GMNC: variants seen among roughly 807,000 people sequenced by gnomAD.
GMNC encodes geminin coiled-coil domain containing, also known as geminin coiled-coil domain-containing protein 1.
In GMNC, 16 loss-of-function variants were observed where a neutral mutation model predicts 33.6. That is an observed-to-expected ratio of 0.48 (90% CI 0.32 to 0.72). The LOEUF is 0.72. Among genes scored for constraint, GMNC ranks in the 30% least tolerant of loss-of-function variants. GMNC has a pLI of 0.03. For missense variants in GMNC, 393 were observed against 388.9 expected, an observed-to-expected ratio of 1.01 and a Z score of -0.09; for synonymous variants, 156 against 147.3, an observed-to-expected ratio of 1.06 and a Z score of -0.43.
chr3:190,848,115 A>C (rs1737579936), downstream of GMNC, among the ~76,000 whole-genome samples: 1 of 152,252 alleles, frequency 6.6e-6, no homozygotes. Flanking sequence ...AATGTCAATC[A>C]ACATGAAAAG....
the GMNC span, among the ~76,000 whole-genome samples, chr3:190,844,047 C>G: frequency 1.3e-5 from 2 of 152,052 alleles, no homozygotes; most frequent in Non-Finnish European, 2.9e-5. Flanking sequence ...TATCATCATT[C>G]CATTTAGAAA....
At chr3:190,850,573 T>C (rs576068032), downstream of GMNC, among the ~76,000 whole-genome samples, 30 of 152,346 alleles carry the variant, frequency 2.0e-4, 1 homozygote, top group South Asian at 6.2e-3. Flanking sequence ...GATTTCAATA[T>C]GTAAGGCAGG....
chr3:190,850,623 C>G (rs1161933615), downstream of GMNC, among the ~76,000 whole-genome samples: 1 of 152,158 alleles, frequency 6.6e-6, no homozygotes, highest in African/African-American at 2.4e-5. Context: ...GTTATTTTTC[C>G]TTTTTCCTTT....
chr3:190,845,508 C>CTTTTTTTTTTTTTTTT, the GMNC span, among the ~76,000 whole-genome samples: 1 of 125,830 alleles, frequency 7.9e-6, no homozygotes, highest in African/African-American at 3.1e-5. Context: ...ATTTTGAAAC[C>CTTTTTTTTTTTTTTTT]TTTTTTTTTT....
intron 1 of GMNC, 72 bp from the exon 2 acceptor site, chr3:190,860,930 G>A: frequency 3.6e-6 from 4 of 1,110,468 alleles, no homozygotes; most frequent in South Asian, 1.8e-5. Flanking sequence ...AGGGGGAAAG[G>A]GTGGGAGAAA....
downstream of GMNC, among the ~76,000 whole-genome samples, chr3:190,851,311 A>G (rs184124636): frequency 1.4e-3 from 220 of 152,336 alleles, 2 homozygotes; most frequent in African/African-American, 4.9e-3. Context: ...TTGCTCTTTA[A>G]GCTCACAGAC....
Position 190,853,824 on chromosome 3 carries a change from C to G in GMNC, c.*1471G>C, listed in dbSNP as rs547389760. On this transcript the variant is annotated 3_prime_UTR_variant, in exon 5 of 5. Transcript: ENST00000442080. ...GGAAAGAAGAAAACTAGCACAAGCA[C>G]TGAAAATATATTGTTTCAAATTTAG... 6.2e-4 allele frequency: 95 copies of G among 152,218 alleles called. No individual in the cohort carries two copies. Among genetic ancestry groups the G allele is most frequent in the African/African-American group, 2.2e-3 (92 of 41,540 alleles). 9.4% of individuals were successfully genotyped at this position (152,218 alleles called of 1,614,324 possible).
At chr3:190,857,149 G>T (rs994838611) in intron 4 of GMNC, among the ~76,000 whole-genome samples, 1 of 149,106 alleles carries the variant, frequency 6.7e-6, no homozygotes, top group African/African-American at 2.5e-5. Flanking sequence ...GAAAGGCAAA[G>T]AATTGAGCAT....
Position 190,855,498 on chromosome 3 carries a change from G to A in GMNC, c.802C>T (p.Gln268Ter). 6.4e-7 allele frequency: 1 copy of A among 1,551,888 alleles called. No homozygotes were observed. Among genetic ancestry groups the A allele is most frequent in the Non-Finnish European group, 8.7e-7 (1 of 1,146,976 alleles). ...AGCCCCACTGGGGGATTTGAAAGTT[G>A]AGAAAGGATGTGGAAATCTTCTCCA... is the stretch of plus-strand genomic sequence containing the variant. ...THGEDFHILS[Q>*]LSNPPVGLKT... Residue 268 changes from glutamine (Q) to a stop codon, truncating the protein, a stop_gained, in exon 5 of 5, where the codon CAA becomes TAA. Transcript: ENST00000442080. LOFTEE classifies it high-confidence loss of function.
At chr3:190,845,055 C>T in the GMNC span, among the ~76,000 whole-genome samples, 25 of 152,206 alleles carry the variant, frequency 1.6e-4, no homozygotes, top group African/African-American at 5.8e-4. Context: ...AAATTCAACA[C>T]TCTCATCAAT....
chr3:190,862,528 T>C lies in GMNC; in HGVS notation c.3+85A>G. 2.9e-6 allele frequency: 3 copies of C among 1,027,274 alleles called. No homozygotes were observed. The highest frequency in any genetic ancestry group is 4.5e-6 in the Non-Finnish European group (3 of 667,790). The allele number at this position is 1,027,274 out of a possible 1,614,324, so 63.6% of individuals were successfully genotyped here. ...TAGCGGAGAAATCTTGCTCCGAAGG[T>C]GGAATAAATTCTAAATGCAAAGCTT... On this transcript the variant is annotated intron_variant, in intron 1 of 4. Coordinates refer to ENST00000442080, the MANE Select transcript of GMNC (RefSeq NM_001146686.3). The surrounding 1 kb of genome is among the most constrained non-coding windows in gnomAD (Gnocchi z 4.5).
intron 3 of GMNC, chr3:190,858,197 A>G (rs1737788714): frequency 6.5e-6 from 2 of 307,964 alleles, no homozygotes; most frequent in Non-Finnish European, 1.2e-5. Flanking sequence ...AGCTGCATGC[A>G]ACTGTTTAAA....
At position 190,860,710 on chromosome 3, in the gene GMNC, T is replaced by C; in HGVS notation, c.152A>G (p.Glu51Gly). Residue 51 changes from glutamate to glycine, a missense_variant, in exon 2 of 5, where the codon GAG becomes GGG. Transcript: ENST00000442080. ...CTGTGCCTGTGGTGCTTGTTGGAGC[T>C]CTCTGTTGTCCAGGAGACCAGCAGC... ...FWAAGLLDNR[E>G]LQQAPQAQES... is the part of the protein sequence containing the mutation. The C allele has an allele frequency of 6.4e-7, 1 of 1,551,032 alleles. No homozygotes were observed. Among genetic ancestry groups the C allele is most frequent in the Non-Finnish European group, 8.7e-7 (1 of 1,146,878 alleles).
At chr3:190,850,417 C>T (rs1383827486), downstream of GMNC, among the ~76,000 whole-genome samples, 1 of 152,208 alleles carries the variant, frequency 6.6e-6, no homozygotes, top group Non-Finnish European at 1.5e-5. Flanking sequence ...ACTGCTGGTT[C>T]CGGATGAAGC....
rs1040511332 is a variant in GMNC at position 190,857,723 on chromosome 3, C to T, written c.384+60G>A. The T allele has an allele frequency of 3.5e-6, 3 of 850,802 alleles. No homozygotes were observed. In the African/African-American group the frequency reaches 5.0e-5, roughly 14 times the overall value. The allele number at this position is 850,802 out of a possible 1,614,324, so 52.7% of individuals were successfully genotyped here. ...TTTAATCAAGGAGTTTTACATAAAT[C>T]ATTTCCTTTCTCAAATCACTGCTTT... On this transcript the variant is annotated intron_variant, in intron 4 of 4. Transcript: ENST00000442080.
rs909918082 is a variant in GMNC at position 190,853,873 on chromosome 3, T to A, written c.*1422A>T. On this transcript the variant is annotated 3_prime_UTR_variant, in exon 5 of 5. Transcript: ENST00000442080. ...AGAAATATGAAGTCCTTGATAGCAA[T>A]ATTTATATGCAATCTATCCGCACTT... 1 of 152,148 alleles carries A rather than the reference T, an allele frequency of 6.6e-6. No individual in the cohort carries two copies. The highest frequency in any genetic ancestry group is 2.4e-5 in the African/African-American group (1 of 41,440). The allele number at this position is 152,148 out of a possible 1,614,324, so 9.4% of individuals were successfully genotyped here.
Position 190,862,617 on chromosome 3 carries a change from T to C in GMNC, c.-2A>G, listed in dbSNP as rs1351408597. ...TAACGCCAGTTCCTCACTTACCATC[T>C]TGCAGTGGAAGAAAGCGCTGCAGAA... On this transcript the variant is annotated 5_prime_UTR_variant, in exon 1 of 5. Coordinates refer to ENST00000442080, the MANE Select transcript of GMNC (RefSeq NM_001146686.3). The surrounding 1 kb of genome is among the most constrained non-coding windows in gnomAD (Gnocchi z 4.5). The C allele has an allele frequency of 2.6e-6, 4 of 1,551,954 alleles. No homozygotes were observed. Among genetic ancestry groups the C allele is most frequent in the South Asian group, 1.2e-5 (1 of 84,046 alleles).
At chr3:190,852,202 ATATATTAACGC>A (rs1737645499), downstream of GMNC, among the ~76,000 whole-genome samples, 4 of 152,116 alleles carry the variant, frequency 2.6e-5, no homozygotes, top group Non-Finnish European at 5.9e-5. Flanking sequence ...TTATCACTGG[ATATATTAACGC>A]TATACTTTTC....
chr3:190,844,868 A>T, the GMNC span, among the ~76,000 whole-genome samples: 1 of 152,184 alleles, frequency 6.6e-6, no homozygotes. Context: ...AGGAATACAG[A>T]AGAAAAGGAG....
Sources: gnomAD v4.1 joint callset for allele counts (sites outside exome capture counted in the v4.1 genomes callset) on GRCh38, gnomAD v4.1.1 for gene constraint, Gnocchi (gnomAD v3.1) non-coding constraint, MANE v1.5 for transcripts, NCBI Gene and HGNC (gene_info 2026-07-23, HGNC 2026-07-21) for gene names.